SCAPER: variants seen among roughly 807,000 people sequenced by gnomAD.
SCAPER encodes the protein S phase cyclin A-associated protein in the endoplasmic reticulum.
A neutral mutation model predicts 182.2 loss-of-function variants in SCAPER; 98 were observed. That is an observed-to-expected ratio of 0.54 (90% CI 0.46 to 0.64). The LOEUF (loss-of-function observed/expected upper bound fraction) is 0.64, where lower values mean the gene tolerates loss of function less well. Ranked by LOEUF, SCAPER falls within the 30% of genes least tolerant of loss-of-function variation. The pLI, the probability that SCAPER is intolerant of heterozygous loss-of-function variation, is 0.00. For missense variants in SCAPER, 1,432 were observed against 1,690.0 expected (o/e 0.85, Z 2.68); for synonymous variants, 605 against 564.6 (o/e 1.07, Z -1.01).
intron 24 of SCAPER, among the ~76,000 whole-genome samples, chr15:76,493,102 AGG>A (rs1399522061): frequency 1.3e-5 from 2 of 152,228 alleles, no homozygotes; most frequent in African/African-American, 2.4e-5. Context: ...GCTCCAGAGA[AGG>A]GTCTTCAAGG....
At chr15:76,757,414 T>C (rs1268165183) in intron 14 of SCAPER, among the ~76,000 whole-genome samples, 1 of 151,974 alleles carries the variant, frequency 6.6e-6, no homozygotes, top group African/African-American at 2.4e-5. Context: ...AATGTCAAAA[T>C]TTCATTCTTC....
At chr15:76,872,088 CACAAACT>C (rs1247350708) in intron 2 of SCAPER, among the ~76,000 whole-genome samples, 1 of 151,078 alleles carries the variant, frequency 6.6e-6, no homozygotes, top group Non-Finnish European at 1.5e-5. Context: ...TCGCTTTAAC[CACAAACT>C]AGATACAGCA....
intron 5 of SCAPER, among the ~76,000 whole-genome samples, chr15:76,818,808 C>A (rs2067288186): frequency 6.6e-6 from 1 of 152,194 alleles, no homozygotes; most frequent in African/African-American, 2.4e-5. Flanking sequence ...ACCAGGGAAG[C>A]CCAAGGGGTC....
intron 17 of SCAPER, among the ~76,000 whole-genome samples, chr15:76,725,565 G>A (rs1031800359): frequency 1.3e-5 from 2 of 151,948 alleles, no homozygotes; most frequent in Admixed American, 6.6e-5. Flanking sequence ...AAAGAACAAA[G>A]AGGCTCACAT....
intron 14 of SCAPER, among the ~76,000 whole-genome samples, chr15:76,757,620 T>C (rs1446665721): frequency 2.0e-5 from 3 of 152,168 alleles, no homozygotes; most frequent in Non-Finnish European, 4.4e-5. Flanking sequence ...TTTGGATATA[T>C]ACCCAGAAGA....
At position 76,376,328 on chromosome 15, in the gene SCAPER, G is replaced by A. The variant is rs755232490; in HGVS notation, c.3706-17C>T. The A allele has an allele frequency of 3.7e-6, 6 of 1,600,124 alleles. No individual in the cohort carries two copies. Among genetic ancestry groups the A allele is most frequent in the African/African-American group, 1.3e-5 (1 of 74,740 alleles). On this transcript the variant is annotated splice_polypyrimidine_tract_variant and intron_variant, in intron 28 of 31. Transcript: ENST00000563290. ...TACAATAGACTGACAAAGACAAGGA[G>A]CAGTTAGAAGCCCTCAGCCCAGGGA...
At chr15:76,728,770 A>C in intron 16 of SCAPER, 33 bp from the exon 17 acceptor site, 1 of 1,576,414 alleles carries the variant, frequency 6.3e-7, no homozygotes. Flanking sequence ...CCAATATTAG[A>C]ATTATGTGTA....
At chr15:76,535,598 T>G (rs924116033) in intron 23 of SCAPER, among the ~76,000 whole-genome samples, 1 of 149,200 alleles carries the variant, frequency 6.7e-6, no homozygotes, top group Admixed American at 6.7e-5. Context: ...ATGTGAAGTA[T>G]CACATATTCC....
Position 76,392,100 on chromosome 15 carries a change from G to C in SCAPER, c.3468-10485C>G, listed in dbSNP as rs545163022. Among the ~76,000 whole-genome samples, 22 of 152,218 alleles carry C rather than the reference G, an allele frequency of 1.4e-4. No individual in the cohort carries two copies. In the East Asian group the frequency reaches 2.5e-3, roughly 17 times the overall value. ...TCTAACATATTAAATATAAGTTCCTGGTAGAAATTGCCAGTAGGAATTCCA... is the reference window on the plus strand; with the variant it reads ...TCTAACATATTAAATATAAGTTCCTCGTAGAAATTGCCAGTAGGAATTCCA... On this transcript the variant is annotated intron_variant, in intron 27 of 31. Coordinates refer to ENST00000563290, the MANE Select transcript of SCAPER (RefSeq NM_020843.4).
chr15:76,471,431 C>A, intron 24 of SCAPER, 96 bp from the exon 25 acceptor site: 1 of 1,355,900 alleles, frequency 7.4e-7, no homozygotes. Context: ...AGCCAACAGG[C>A]ATGAGATGGA....
At chr15:76,681,837 G>A (rs1598126299) in intron 20 of SCAPER, among the ~76,000 whole-genome samples, 1 of 152,174 alleles carries the variant, frequency 6.6e-6, no homozygotes, top group East Asian at 1.9e-4. Flanking sequence ...AGAGGATTTG[G>A]TGTGGGAACG....
chr15:76,679,667 CA>C (rs1308034869), intron 20 of SCAPER, among the ~76,000 whole-genome samples: 2 of 152,028 alleles, frequency 1.3e-5, no homozygotes, highest in Admixed American at 6.6e-5. Context: ...AGACACCATG[CA>C]AAAGAGAAAA....
At chr15:76,481,902 T>C (rs283795) in intron 24 of SCAPER, among the ~76,000 whole-genome samples, 83,558 of 152,046 alleles carry the variant, frequency 0.55, 24,210 homozygotes, top group Non-Finnish European at 0.65. Context: ...TTCCTTACAA[T>C]TTTGCTGCCT....
intron 4 of SCAPER, among the ~76,000 whole-genome samples, chr15:76,844,834 G>A (rs1467125995): frequency 6.6e-6 from 1 of 152,014 alleles, no homozygotes; most frequent in Admixed American, 6.6e-5. Context: ...CAAAAACAGA[G>A]GAGGAGGGAA....
chr15:76,876,900 C>T (rs1314290339), intron 2 of SCAPER, among the ~76,000 whole-genome samples: 12 of 152,176 alleles, frequency 7.9e-5, no homozygotes, highest in African/African-American at 2.7e-4. Context: ...CAGCTTGTTA[C>T]ACTAGAAAGT....
intron 15 of SCAPER, among the ~76,000 whole-genome samples, chr15:76,748,169 T>C (rs1188143320): frequency 1.3e-5 from 2 of 152,032 alleles, no homozygotes; most frequent in African/African-American, 4.8e-5. Context: ...TTTGTATTTT[T>C]AGTAGAGACG....
chr15:76,668,604 T>A (rs1324182285), intron 20 of SCAPER, among the ~76,000 whole-genome samples: 1 of 152,228 alleles, frequency 6.6e-6, no homozygotes, highest in African/African-American at 2.4e-5. Flanking sequence ...TTGACCAAAG[T>A]GAATGCTCAG....
At chr15:76,458,763 T>C (rs2048933921) in intron 25 of SCAPER, among the ~76,000 whole-genome samples, 1 of 152,106 alleles carries the variant, frequency 6.6e-6, no homozygotes, top group African/African-American at 2.4e-5. Context: ...CACTGGAACT[T>C]ATTCCTTCTA....
At chr15:76,628,767 A>G (rs1405974658) in intron 21 of SCAPER, among the ~76,000 whole-genome samples, 1 of 152,046 alleles carries the variant, frequency 6.6e-6, no homozygotes, top group African/African-American at 2.4e-5. Flanking sequence ...TCTTTTTTGG[A>G]TCCATATGAA....
Sources: allele counts gnomAD v4.1 joint callset (sites outside exome capture counted in the v4.1 genomes callset), GRCh38; gene constraint gnomAD v4.1.1; transcripts MANE v1.5; gene names NCBI Gene and HGNC (gene_info 2026-07-23, HGNC 2026-07-21).